Variants in GALNT13 observed in about 807,000 individuals in gnomAD.
GALNT13 encodes the protein polypeptide N-acetylgalactosaminyltransferase 13.
Under a neutral mutation model 64.2 loss-of-function variants are expected in GALNT13, and 28 were observed. That is an observed-to-expected ratio of 0.44 (90% confidence interval 0.32 to 0.60). The LOEUF is 0.60. Ranked by LOEUF, GALNT13 falls within the 20% of genes least tolerant of loss-of-function variation. GALNT13 has a pLI of 0.05. For synonymous variants in GALNT13, 214 were observed against 224.6 expected (o/e 0.95, Z 0.42); for missense variants, 577 against 669.8 (o/e 0.86, Z 1.53).
At chr2:153,781,605 G>A in the GALNT13 span, among the ~76,000 whole-genome samples, 130,645 of 152,070 alleles carry the variant, frequency 0.86, 57,052 homozygotes, top group Non-Finnish European at 0.9. Flanking sequence ...GCTTTTGTGT[G>A]TACATATACA....
the GALNT13 span, among the ~76,000 whole-genome samples, chr2:153,355,447 T>G: frequency 2.0e-5 from 3 of 152,212 alleles, no homozygotes; most frequent in South Asian, 2.1e-4. Context: ...CTATTTCTTT[T>G]GGTAGAACAC....
the GALNT13 span, among the ~76,000 whole-genome samples, chr2:153,809,025 G>T: frequency 3.4e-4 from 52 of 152,236 alleles, no homozygotes; most frequent in African/African-American, 1.2e-3. Flanking sequence ...ACTCAGTAAT[G>T]CTAAGCATTC....
intron 9 of GALNT13, among the ~76,000 whole-genome samples, chr2:154,383,595 T>C (rs1698376151): frequency 6.6e-6 from 1 of 151,976 alleles, no homozygotes; most frequent in African/African-American, 2.4e-5. Context: ...TAACTCATAA[T>C]TTTAAAACAT....
chr2:154,440,336 A>G (rs1374079525), intron 12 of GALNT13, among the ~76,000 whole-genome samples: 1 of 152,150 alleles, frequency 6.6e-6, no homozygotes, highest in African/African-American at 2.4e-5. Context: ...CAATGTCATA[A>G]CTCAAATTCT....
At chr2:153,394,220 G>A in the GALNT13 span, among the ~76,000 whole-genome samples, 1 of 152,044 alleles carries the variant, frequency 6.6e-6, no homozygotes, top group Non-Finnish European at 1.5e-5. Context: ...ATAGAGTTTG[G>A]TGAGAATTAA....
At chr2:154,354,625 T>TC (rs1262317964) in intron 9 of GALNT13, among the ~76,000 whole-genome samples, 9 of 151,940 alleles carry the variant, frequency 5.9e-5, no homozygotes, top group African/African-American at 1.7e-4. Flanking sequence ...CACTTTTTTT[T>TC]TTTTTGAATG....
chr2:153,629,153 T>C, the GALNT13 span, among the ~76,000 whole-genome samples: 3 of 152,142 alleles, frequency 2.0e-5, no homozygotes, highest in East Asian at 3.9e-4. Context: ...TGTAGTATTC[T>C]CTGATGGTAG....
At chr2:153,379,034 A>G in the GALNT13 span, among the ~76,000 whole-genome samples, 1 of 152,126 alleles carries the variant, frequency 6.6e-6, no homozygotes, top group African/African-American at 2.4e-5. Flanking sequence ...TTTTGACCAA[A>G]TAGGACCCAA....
chr2:153,104,306 T>TA, the GALNT13 span, among the ~76,000 whole-genome samples: 1 of 152,226 alleles, frequency 6.6e-6, no homozygotes, highest in Non-Finnish European at 1.5e-5. Flanking sequence ...ACAGTCTAGA[T>TA]ACAGCCATCA....
At chr2:154,171,582 G>C (rs1385343008) in intron 4 of GALNT13, among the ~76,000 whole-genome samples, 1 of 152,068 alleles carries the variant, frequency 6.6e-6, no homozygotes, top group African/African-American at 2.4e-5. Context: ...GGCAGGATAT[G>C]AACATACTTT....
chr2:153,221,060 A>AAT, the GALNT13 span, among the ~76,000 whole-genome samples: 1 of 152,298 alleles, frequency 6.6e-6, no homozygotes, highest in African/African-American at 2.4e-5. Context: ...TGGGTGATGA[A>AAT]ATAATCTGTA....
chr2:154,401,683 A>G (rs1190887938), intron 10 of GALNT13, among the ~76,000 whole-genome samples: 1 of 152,208 alleles, frequency 6.6e-6, no homozygotes, highest in African/African-American at 2.4e-5. Context: ...AACAGCTGCA[A>G]CAAACTATAT....
At position 154,242,744 on chromosome 2, in the gene GALNT13, G is replaced by T. The variant is rs1689562752; in HGVS notation, c.525G>T (p.Val175=). 6.2e-7 allele frequency: 1 copy of T among 1,613,616 alleles called. No homozygotes were observed. The highest frequency in any genetic ancestry group is 8.5e-7 in the Non-Finnish European group (1 of 1,179,658). ...AGAATTACGTGAAAAATTTAGAAGT[G>T]CCAGTAAAAATTATTAGGATGGAAG... The part of the protein sequence containing the change: ...TLENYVKNLE[V]PVKIIRMEER... Residue 175 remains valine, a synonymous_variant, in exon 6 of 13, where the codon GTG becomes GTT. Coordinates refer to ENST00000392825, the MANE Select transcript of GALNT13 (RefSeq NM_052917.4).
the GALNT13 span, among the ~76,000 whole-genome samples, chr2:153,518,218 G>C: frequency 6.6e-6 from 1 of 151,998 alleles, no homozygotes; most frequent in Non-Finnish European, 1.5e-5. Flanking sequence ...ATCCAAATAT[G>C]TTCTTCTATT....
rs535986153 is a variant in GALNT13, at chr2:154,127,025, G to T, written c.143-13312G>T. Among the ~76,000 whole-genome samples the T allele has an allele frequency of 5.3e-5, 8 of 152,244 alleles. No individual in the cohort carries two copies. The East Asian group carries it at 1.2e-3, about 22-fold the overall frequency. On this transcript the variant is annotated intron_variant, in intron 3 of 12. Coordinates refer to ENST00000392825, the MANE Select transcript of GALNT13 (RefSeq NM_052917.4). ...AAGGTCATTTCTAAAAGAATACTCA[G>T]CTGCAGCTTAAAAGATAATTTTTAA... is the stretch of plus-strand genomic sequence containing the variant.
intron 4 of GALNT13, among the ~76,000 whole-genome samples, chr2:154,219,309 A>G (rs1688205484): frequency 6.6e-6 from 1 of 152,008 alleles, no homozygotes; most frequent in South Asian, 2.1e-4. Context: ...AAAGGTAAGG[A>G]AATTAGTCAA....
chr2:154,037,348 G>A (rs1334434695), intron 3 of GALNT13, among the ~76,000 whole-genome samples: 1 of 152,080 alleles, frequency 6.6e-6, no homozygotes, highest in African/African-American at 2.4e-5. Flanking sequence ...ATTAAATGGT[G>A]TGTTTATAAT....
intron 9 of GALNT13, among the ~76,000 whole-genome samples, chr2:154,340,651 T>G (rs1695709702): frequency 6.6e-6 from 1 of 152,164 alleles, no homozygotes; most frequent in Non-Finnish European, 1.5e-5. Context: ...AAATTTAGAT[T>G]CAGAACTAGT....
intron 3 of GALNT13, among the ~76,000 whole-genome samples, chr2:153,982,577 A>G (rs532709042): frequency 5.3e-5 from 8 of 152,164 alleles, no homozygotes; most frequent in African/African-American, 1.7e-4. Context: ...CTGTCAGTGT[A>G]GATAGCTCTC....
Sources: gnomAD v4.1 joint callset for allele counts (sites outside exome capture counted in the v4.1 genomes callset) on GRCh38, gnomAD v4.1.1 for gene constraint, MANE v1.5 for transcripts, NCBI Gene and HGNC (gene_info 2026-07-23, HGNC 2026-07-21) for gene names.